Variants in CAMSAP1 observed in about 807,000 individuals in gnomAD.
CAMSAP1 encodes calmodulin-regulated spectrin-associated protein 1.
CAMSAP1 carries 58 observed loss-of-function variants against 143.5 expected under a neutral mutation model. The ratio of observed to expected loss-of-function variants is 0.40; its 90% CI spans 0.33 to 0.50. The LOEUF (loss-of-function observed/expected upper bound fraction) is 0.50. Among genes scored for constraint, CAMSAP1 ranks in the 20% least tolerant of loss-of-function variants. The pLI is 0.45. For missense variants in CAMSAP1, 1,969 were observed against 2,115.7 expected (o/e 0.93, Z 1.36); for synonymous variants, 945 against 859.3 (o/e 1.10, Z -1.74).
chr9:135,811,512 T>G lies in CAMSAP1; in HGVS notation c.4606A>C (p.Ile1536Leu). The G allele has an allele frequency of 3.1e-6, 5 of 1,609,472 alleles. No homozygotes were observed. The highest frequency in any genetic ancestry group is 4.2e-6 in the Non-Finnish European group (5 of 1,177,680). ...LYCYYPDTEEIYKLTGTGPKN... is the reference protein window; with the variant it reads ...LYCYYPDTEELYKLTGTGPKN... ...GGCCCCGTGCCAGTGAGTTTGTAGATTTCCTCAGTATCAGGATAGTAGCAG... is the reference window on the plus strand; with the variant it reads ...GGCCCCGTGCCAGTGAGTTTGTAGAGTTCCTCAGTATCAGGATAGTAGCAG... The change falls in exon 17 of 17, where the codon ATC becomes CTC. Residue 1536 changes from isoleucine (I) to leucine (L), a missense_variant. Transcript: ENST00000389532. The surrounding 1 kb of genome is among the most constrained non-coding windows in gnomAD (Gnocchi z 4.9).
chr9:135,856,535 G>C (rs999709328), intron 5 of CAMSAP1, among the ~76,000 whole-genome samples: 2 of 152,156 alleles, frequency 1.3e-5, no homozygotes, highest in African/African-American at 4.8e-5. Context: ...CTCGGTAAGA[G>C]AACACGCAGC....
chr9:135,894,393 C>T (rs1267397437), intron 1 of CAMSAP1, among the ~76,000 whole-genome samples: 2 of 152,218 alleles, frequency 1.3e-5, no homozygotes, highest in Admixed American at 6.5e-5. Context: ...CCACACTCCA[C>T]GCACCTGACG....
At chr9:135,899,565 A>G (rs910332300) in intron 1 of CAMSAP1, among the ~76,000 whole-genome samples, 10 of 152,084 alleles carry the variant, frequency 6.6e-5, no homozygotes, top group Admixed American at 3.9e-4. Context: ...TGGTTCCCCA[A>G]TTCCCACAGA....
At position 135,826,193 on chromosome 9, in the gene CAMSAP1, A is replaced by AGCTTCTTGTGCGC. The variant is rs60377963; in HGVS notation, c.1223+1213_1223+1214insGCGCACAAGAAGC. On this transcript the variant is annotated intron_variant, in intron 8 of 16. Transcript: ENST00000389532. The surrounding 1 kb of genome is among the most constrained non-coding windows in gnomAD (Gnocchi z 4.4). ...ACAGAGCAGCGTGTACACGGGCACC[A>AGCTTCTTGTGCGC]GCACACACACACACACACACACGGC... 3.4e-5 allele frequency: 5 copies of AGCTTCTTGTGCGC among 146,166 alleles called. No individual in the cohort carries two copies. The highest frequency in any genetic ancestry group is 1.2e-4 in the African/African-American group (5 of 40,072). 9.1% of individuals were successfully genotyped at this position (146,166 alleles called of 1,614,324 possible).
intron 1 of CAMSAP1, among the ~76,000 whole-genome samples, chr9:135,897,063 T>C (rs1438413696): frequency 6.6e-6 from 1 of 152,046 alleles, no homozygotes; most frequent in Non-Finnish European, 1.5e-5. Flanking sequence ...AGTACAGCAG[T>C]CCCCTCTTAT....
chr9:135,826,234 CA>C lies in CAMSAP1; in HGVS notation c.1223+1172del, dbSNP rs1274452347. 6.6e-6 allele frequency: 1 copy of C among 152,592 alleles called. No individual in the cohort carries two copies. The highest frequency in any genetic ancestry group is 2.4e-5 in the African/African-American group (1 of 41,436). 9.5% of individuals were successfully genotyped at this position (152,592 alleles called of 1,614,324 possible). ...CACACACGGCTCAACAACAGACACG[CA>C]AAGACCGAAGGGAGGACGCCAAGTG... On this transcript the variant is annotated intron_variant, in intron 8 of 16. Transcript: ENST00000389532. This position sits in a 1 kb window ranked among gnomAD's most constrained non-coding sequence, Gnocchi z 4.4.
intron 1 of CAMSAP1, among the ~76,000 whole-genome samples, chr9:135,884,308 T>C (rs1335153707): frequency 6.6e-6 from 1 of 152,016 alleles, no homozygotes; most frequent in African/African-American, 2.4e-5. Flanking sequence ...TCTCCTAAGC[T>C]CTTCCCCAGG....
At chr9:135,871,760 C>A (rs1384620522) in intron 3 of CAMSAP1, among the ~76,000 whole-genome samples, 3 of 150,264 alleles carry the variant, frequency 2.0e-5, no homozygotes, top group Non-Finnish European at 1.5e-5. Flanking sequence ...AAGGCCCCAG[C>A]TCTATCAAAA....
chr9:135,871,366 T>TA (rs1837565356), intron 3 of CAMSAP1, among the ~76,000 whole-genome samples: 1 of 152,108 alleles, frequency 6.6e-6, no homozygotes, highest in Admixed American at 6.5e-5. Context: ...TTTTTAATAA[T>TA]TTTTGTAGAT....
chr9:135,871,723 G>GT (rs1564450908), intron 3 of CAMSAP1, among the ~76,000 whole-genome samples: 1 of 151,352 alleles, frequency 6.6e-6, no homozygotes, highest in Non-Finnish European at 1.5e-5. Context: ...GAGGTCAGGT[G>GT]TTTGAGAACA....
At position 135,822,610 on chromosome 9, in the gene CAMSAP1, G is replaced by A. The variant is rs1174233436; in HGVS notation, c.2051C>T (p.Ala684Val). The A allele has an allele frequency of 6.2e-7, 1 of 1,613,128 alleles. No homozygotes were observed. Among genetic ancestry groups the A allele is most frequent in the Non-Finnish European group, 8.5e-7 (1 of 1,179,628 alleles). Residue 684 changes from alanine to valine, a missense_variant, in exon 11 of 17, where the codon GCC (alanine) becomes GTC (valine). Ala to Val is a moderately conservative substitution (Grantham distance 64, BLOSUM62 0). Transcript: ENST00000389532. The surrounding 1 kb of genome is among the most constrained non-coding windows in gnomAD (Gnocchi z 6.1). ...GGGGAACGGATCGAATCCGCCAAGG[G>A]CCAGAGGCCCACCACAGACCTCTCC... ...TAGEVCGGPLALGGFDPFPQG... is the reference protein window; with the variant it reads ...TAGEVCGGPLVLGGFDPFPQG...
intron 1 of CAMSAP1, among the ~76,000 whole-genome samples, chr9:135,893,344 A>G (rs1838348245): frequency 6.6e-6 from 1 of 151,934 alleles, no homozygotes; most frequent in Admixed American, 6.5e-5. Context: ...AACAAAAAAG[A>G]AAAAGAAAAG....
At chr9:135,841,615 G>A (rs1023353110) in intron 7 of CAMSAP1, among the ~76,000 whole-genome samples, 6 of 152,210 alleles carry the variant, frequency 3.9e-5, no homozygotes, top group East Asian at 1.9e-4. Context: ...GTTGACATCC[G>A]GAGGGTGCCC....
intron 1 of CAMSAP1, among the ~76,000 whole-genome samples, chr9:135,894,125 C>T (rs912938146): frequency 6.6e-6 from 1 of 152,142 alleles, no homozygotes; most frequent in African/African-American, 2.4e-5. Context: ...CCAGGCGAGC[C>T]CAAGCCCTAC....
chr9:135,907,394 A>G lies in CAMSAP1; in HGVS notation c.-235T>C, dbSNP rs1021600639. On this transcript the variant is annotated 5_prime_UTR_variant, in exon 1 of 17. Transcript: ENST00000389532. ...GAGGAGGTGCCGAGCCCGCGGCCCA[A>G]AGAGGCGGCGGCAGGAGGGCGCGGG... 1.4e-5 allele frequency among the ~76,000 whole-genome samples: 2 copies of G among 144,568 alleles called. No individual in the cohort carries two copies. Among genetic ancestry groups the G allele is most frequent in the African/African-American group, 4.9e-5 (2 of 40,424 alleles). 94.8% of individuals were successfully genotyped at this position (144,568 alleles called of 152,430 possible). A position where few individuals can be genotyped will look rare whatever the true frequency, so the allele number is the denominator to read the frequency against.
chr9:135,865,192 T>C (rs889476059), intron 4 of CAMSAP1: 2 of 782,370 alleles, frequency 2.6e-6, no homozygotes, highest in Non-Finnish European at 4.2e-6. Flanking sequence ...ATTCTTGTAC[T>C]ATATAAATAA....
chr9:135,845,331 A>C lies in CAMSAP1; in HGVS notation c.1045+4806T>G, dbSNP rs537936983. The stretch of plus-strand genomic sequence containing the variant: ...AAAATTCAACACCCCTTCATACTAA[A>C]AACTCTCAATAAACTAGGTATTGAT... On this transcript the variant is annotated intron_variant, in intron 7 of 16. Coordinates refer to ENST00000389532, the MANE Select transcript of CAMSAP1 (RefSeq NM_015447.4). Among the ~76,000 whole-genome samples the C allele has an allele frequency of 3.3e-5, 5 of 152,324 alleles. No individual in the cohort carries two copies. The East Asian group carries it at 9.6e-4, about 29-fold the overall frequency.
In CAMSAP1 at chr9:135,815,985, A is replaced by C. The variant is rs1402591924; in HGVS notation, c.4292T>G (p.Leu1431Arg). ...PSQRVESMEA[L>R]PILSRNPSRS... ...GCTTGGGTTACGGCTCAGTATGGGCAGGGCTTCCATCGATTCCACTCTGCA... is the reference window on the plus strand; with the variant it reads ...GCTTGGGTTACGGCTCAGTATGGGCCGGGCTTCCATCGATTCCACTCTGCA... Residue 1431 changes from leucine (L) to arginine (R), a missense_variant, in exon 15 of 17, where the codon CTG becomes CGG. By Grantham distance (102) the Leu-to-Arg change is moderately radical (BLOSUM62 -2). Transcript: ENST00000389532. 3 of 1,613,726 alleles carry C rather than the reference A, an allele frequency of 1.9e-6. No individual in the cohort carries two copies. Among genetic ancestry groups the C allele is most frequent in the Non-Finnish European group, 2.5e-6 (3 of 1,179,888 alleles).
intron 1 of CAMSAP1, among the ~76,000 whole-genome samples, chr9:135,886,958 G>A (rs1358913344): frequency 1.3e-5 from 2 of 152,228 alleles, no homozygotes; most frequent in East Asian, 1.9e-4. Flanking sequence ...TGGAGGAGGA[G>A]GGCAGTCGGG....
Sources: gnomAD v4.1 joint callset for allele counts (sites outside exome capture counted in the v4.1 genomes callset) on GRCh38, gnomAD v4.1.1 for gene constraint, Gnocchi (gnomAD v3.1) non-coding constraint, MANE v1.5 for transcripts, NCBI Gene and HGNC (gene_info 2026-07-23, HGNC 2026-07-21) for gene names.